Variants in DLK1 observed in about 807,000 individuals in gnomAD.
DLK1 encodes the protein protein delta homolog 1.
A neutral mutation model predicts 35.2 loss-of-function variants in DLK1; 9 were observed. That is an observed-to-expected ratio of 0.26 (90% confidence interval 0.15 to 0.45). The LOEUF (loss-of-function observed/expected upper bound fraction) is 0.45. Among genes scored for constraint, DLK1 ranks in the 20% least tolerant of loss-of-function variants. The pLI, the probability that DLK1 is intolerant of heterozygous loss-of-function variation, is 1.00. For synonymous variants in DLK1, 231 were observed against 228.4 expected (o/e 1.01, Z -0.10); for missense variants, 522 against 528.5 (o/e 0.99, Z 0.12).
intron 3 of DLK1, among the ~76,000 whole-genome samples, chr14:100,730,163 G>A (rs12435855): frequency 0.11 from 16,926 of 152,144 alleles, 1,165 homozygotes; most frequent in East Asian, 0.33. Flanking sequence ...CCTGCAATAT[G>A]GTGCAAGGTT....
intron 3 of DLK1, 84 bp downstream of exon 3, chr14:100,729,150 G>A: frequency 6.3e-7 from 1 of 1,597,132 alleles, no homozygotes; most frequent in South Asian, 1.1e-5. Context: ...GTCTCCTGTT[G>A]CTGGTGTTCC....
chr14:100,730,888 C>T (rs1051683997), intron 3 of DLK1, among the ~76,000 whole-genome samples: 2 of 152,164 alleles, frequency 1.3e-5, no homozygotes, highest in Non-Finnish European at 2.9e-5. Flanking sequence ...TTGCAGTCTC[C>T]CCTCCACGAG....
At chr14:100,728,830 G>A in intron 2 of DLK1, 106 bp from the exon 3 acceptor site, 1 of 1,450,646 alleles carries the variant, frequency 6.9e-7, no homozygotes, top group Non-Finnish European at 9.4e-7. Context: ...GGCTGCCACT[G>A]TGCAAAGACC....
At chr14:100,730,096 G>A (rs1273460884) in intron 3 of DLK1, among the ~76,000 whole-genome samples, 1 of 152,176 alleles carries the variant, frequency 6.6e-6, no homozygotes, top group Non-Finnish European at 1.5e-5. Context: ...GGGCAGCCGT[G>A]GTTCTGAAGC....
In DLK1 at chr14:100,735,323, G is replaced by A. The variant is rs558485657; in HGVS notation, c.*427G>A. 3 of 158,224 alleles carry A rather than the reference G, an allele frequency of 1.9e-5. No homozygotes were observed. The highest frequency in any genetic ancestry group is 7.2e-5 in the African/African-American group (3 of 41,792). 9.8% of individuals were successfully genotyped at this position (158,224 alleles called of 1,614,324 possible). A position where few individuals can be genotyped will look rare whatever the true frequency, so the allele number is the denominator to read the frequency against. On this transcript the variant is annotated 3_prime_UTR_variant, in exon 5 of 5. Transcript: ENST00000341267. Reference sequence around the variant, plus strand: ...TGTGCAAAGAGCTACGATTGCTTTCGTTCGTTAATTCTCACACACCACATC... The same window carrying A: ...TGTGCAAAGAGCTACGATTGCTTTCATTCGTTAATTCTCACACACCACATC...
Position 100,735,742 on chromosome 14 carries a change from A to T in DLK1, c.*846A>T, listed in dbSNP as rs1410861971. ...ATCCTGGATGAACGCTTGATGTTGAAATTTATCCTAACTGTGTTTCTCAAA... is the reference window on the plus strand; with the variant it reads ...ATCCTGGATGAACGCTTGATGTTGATATTTATCCTAACTGTGTTTCTCAAA... On this transcript the variant is annotated 3_prime_UTR_variant, in exon 5 of 5. Coordinates refer to ENST00000341267, the MANE Select transcript of DLK1 (RefSeq NM_003836.7). 1 of 152,084 alleles carries T rather than the reference A, an allele frequency of 6.6e-6. No homozygotes were observed. Among genetic ancestry groups the T allele is most frequent in the Admixed American group, 6.5e-5 (1 of 15,278 alleles). The allele number at this position is 152,084 out of a possible 1,614,324, so 9.4% of individuals were successfully genotyped here.
intron 4 of DLK1, among the ~76,000 whole-genome samples, chr14:100,733,602 C>T (rs1019171235): frequency 5.9e-5 from 9 of 152,038 alleles, no homozygotes; most frequent in African/African-American, 2.2e-4. Flanking sequence ...TGAGGGTTGG[C>T]GGCAACAGTG....
intron 4 of DLK1, among the ~76,000 whole-genome samples, 162 bp downstream of exon 4, chr14:100,732,345 G>A (rs531446939): frequency 1.1e-4 from 17 of 152,386 alleles, no homozygotes; most frequent in Admixed American, 6.5e-4. Context: ...GAGTATTCAC[G>A]GGGGAATGTG....
intron 1 of DLK1, 151 bp downstream of exon 1, chr14:100,727,286 AC>A: frequency 1.2e-6 from 1 of 833,442 alleles, no homozygotes; most frequent in Non-Finnish European, 1.7e-6. Flanking sequence ...GTCTCGCCCT[AC>A]CCACCACGCT....
At chr14:100,727,715 T>C (rs930392649) in intron 1 of DLK1, among the ~76,000 whole-genome samples, 10 of 152,116 alleles carry the variant, frequency 6.6e-5, no homozygotes, top group African/African-American at 2.4e-4. Flanking sequence ...AAGGGGGCTG[T>C]CTAGAAAGCT....
chr14:100,737,465 C>G lies in DLK1; in HGVS notation c.*2569C>G, dbSNP rs1349499067. The G allele has an allele frequency of 6.6e-6, 1 of 152,024 alleles. No individual in the cohort carries two copies. Among genetic ancestry groups the G allele is most frequent in the Non-Finnish European group, 1.5e-5 (1 of 68,026 alleles). The allele number at this position is 152,024 out of a possible 1,614,324, so 9.4% of individuals were successfully genotyped here. On this transcript the variant is annotated 3_prime_UTR_variant, in exon 5 of 5. Transcript: ENST00000341267. ...ATTATCTATGTTTTCGATCTTGATG[C>G]TATAGAGAACAGCCATGTTCCCCTG... is the stretch of plus-strand genomic sequence containing the variant.
chr14:100,733,197 G>A (rs1453771056), intron 4 of DLK1, among the ~76,000 whole-genome samples: 1 of 152,102 alleles, frequency 6.6e-6, no homozygotes, highest in African/African-American at 2.4e-5. Context: ...TGCTTTTCTC[G>A]CGAATGGACT....
In DLK1 at chr14:100,736,302, T is replaced by C. The variant is rs537702203; in HGVS notation, c.*1406T>C. On this transcript the variant is annotated 3_prime_UTR_variant, in exon 5 of 5. Transcript: ENST00000341267. The stretch of plus-strand genomic sequence containing the variant: ...GCCCTTGGGTACCAGATAGGAATAT[T>C]TTGCTTCTTAGATTATTTGGATAAG... The C allele has an allele frequency of 6.6e-6, 1 of 152,234 alleles. No homozygotes were observed. The highest frequency in any genetic ancestry group is 1.5e-5 in the Non-Finnish European group (1 of 68,014). 9.4% of individuals were successfully genotyped at this position (152,234 alleles called of 1,614,324 possible).
At chr14:100,733,016 C>T (rs748648697) in intron 4 of DLK1, among the ~76,000 whole-genome samples, 2 of 152,134 alleles carry the variant, frequency 1.3e-5, no homozygotes, top group African/African-American at 2.4e-5. Context: ...GACCGGACAT[C>T]GCAGGGTGGC....
rs2036587339 is a variant in DLK1, at chr14:100,737,519, A to G, written c.*2623A>G. The stretch of plus-strand genomic sequence containing the variant: ...ACAAGAAAAAGACGTCCCACGGTCG[A>G]GGTATCCTTGACCAACTCCCCATCC... On this transcript the variant is annotated 3_prime_UTR_variant, in exon 5 of 5. Transcript: ENST00000341267. 6.6e-6 allele frequency: 1 copy of G among 152,234 alleles called. No individual in the cohort carries two copies. Among genetic ancestry groups the G allele is most frequent in the Non-Finnish European group, 1.5e-5 (1 of 68,090 alleles). The allele number at this position is 152,234 out of a possible 1,614,324, so 9.4% of individuals were successfully genotyped here.
At chr14:100,733,880 G>A (rs1438245607) in intron 4 of DLK1, among the ~76,000 whole-genome samples, 4 of 152,180 alleles carry the variant, frequency 2.6e-5, no homozygotes, top group Non-Finnish European at 4.4e-5. Flanking sequence ...GTGTGTCCCA[G>A]GTTAGCATCG....
intron 3 of DLK1, chr14:100,729,275 C>A: frequency 1.2e-6 from 1 of 836,820 alleles, no homozygotes; most frequent in Non-Finnish European, 2.0e-6. Flanking sequence ...CTCTTCTCTG[C>A]GCCATCAGCA....
rs1259155106 is a variant in DLK1, at chr14:100,737,912, G to C, written c.*3016G>C. On this transcript the variant is annotated 3_prime_UTR_variant, in exon 5 of 5. Transcript: ENST00000341267. ...CTCGCCACGGTCTTCACGTCATGCA[G>C]AAATGGTCATTCCATGTTCTATGGC... 6.6e-6 allele frequency: 1 copy of C among 152,232 alleles called. No homozygotes were observed. Among genetic ancestry groups the C allele is most frequent in the East Asian group, 1.9e-4 (1 of 5,190 alleles). The allele number at this position is 152,232 out of a possible 1,614,324, so 9.4% of individuals were successfully genotyped here.
chr14:100,729,220 C>T (rs1486439806), intron 3 of DLK1, 154 bp downstream of exon 3: 1 of 1,355,260 alleles, frequency 7.4e-7, no homozygotes, highest in East Asian at 2.5e-5. Context: ...TTATAAATTT[C>T]CTGTGGGTAC....
Sources: allele counts gnomAD v4.1 joint callset (sites outside exome capture counted in the v4.1 genomes callset), GRCh38; gene constraint gnomAD v4.1.1; transcripts MANE v1.5; gene names NCBI Gene and HGNC (gene_info 2026-07-23, HGNC 2026-07-21).